The following EIF2AK2 variants were observed in gnomAD, a reference collection of about 807,000 sequenced individuals.
EIF2AK2 encodes interferon-induced, double-stranded RNA-activated protein kinase.
EIF2AK2 carries 40 observed loss-of-function variants against 70.5 expected under a neutral mutation model. The observed-to-expected ratio is 0.57, with a 90% CI of 0.44 to 0.74. The LOEUF is 0.74. Among genes scored for constraint, EIF2AK2 ranks in the 30% least tolerant of loss-of-function variants. The probability of loss-of-function intolerance (pLI) is 0.00; values close to 1 mark genes in which losing one functional copy is unlikely to be tolerated. For missense variants in EIF2AK2, 555 were observed against 644.3 expected, an observed-to-expected ratio of 0.86 and a Z score of 1.50; for synonymous variants, 198 against 220.9, an observed-to-expected ratio of 0.90 and a Z score of 0.92.
chr2:37,122,786 C>A (rs1674601257), intron 11 of EIF2AK2, 122 bp from the exon 12 acceptor site: 2 of 1,304,530 alleles, frequency 1.5e-6, no homozygotes, highest in African/African-American at 1.5e-5. Context: ...GTGGTTCTCA[C>A]ATAGTTTTAG....
In EIF2AK2 at chr2:37,114,630, T is replaced by C. The variant is rs1002785336; in HGVS notation, c.1377+101A>G. 121 of 1,103,122 alleles carry C rather than the reference T, an allele frequency of 1.1e-4. No individual in the cohort carries two copies. In the Middle Eastern group the frequency reaches 2.0e-3, roughly 18 times the overall value. The allele number at this position is 1,103,122 out of a possible 1,614,324, so 68.3% of individuals were successfully genotyped here. A position where few individuals can be genotyped will look rare whatever the true frequency, so the allele number is the denominator to read the frequency against. ...AGAATGGTAAGGAAAATTTTTAGTA[T>C]ATACTTCTGTACAGTTTTAATTATA... On this transcript the variant is annotated intron_variant, in intron 14 of 16. Transcript: ENST00000233057.
chr2:37,121,003 C>T (rs1230158164), intron 12 of EIF2AK2, among the ~76,000 whole-genome samples: 4 of 148,784 alleles, frequency 2.7e-5, no homozygotes, highest in African/African-American at 9.7e-5. Context: ...GTGGCTCACG[C>T]ATGTAATCCC....
At chr2:37,149,542 G>A (rs1675670957) in intron 1 of EIF2AK2, among the ~76,000 whole-genome samples, 1 of 139,428 alleles carries the variant, frequency 7.2e-6, no homozygotes, top group African/African-American at 2.6e-5. Context: ...GGTGTAGGCA[G>A]GTCCTCAATG....
intron 1 of EIF2AK2, among the ~76,000 whole-genome samples, chr2:37,156,379 G>C (rs571514611): frequency 9.2e-5 from 14 of 152,300 alleles, no homozygotes; most frequent in African/African-American, 3.4e-4. Context: ...TCCAGATGCT[G>C]AGGTGTGGAG....
chr2:37,137,243 C>G (rs1675160229), intron 8 of EIF2AK2, among the ~76,000 whole-genome samples: 1 of 152,162 alleles, frequency 6.6e-6, no homozygotes, highest in Non-Finnish European at 1.5e-5. Flanking sequence ...TTTAAATTTT[C>G]CTGATTCCTA....
intron 11 of EIF2AK2, among the ~76,000 whole-genome samples, chr2:37,124,495 G>A (rs771087630): frequency 6.6e-6 from 1 of 152,048 alleles, no homozygotes; most frequent in Non-Finnish European, 1.5e-5. Context: ...TCTTGACCTC[G>A]TGATCTGCCT....
intron 14 of EIF2AK2, among the ~76,000 whole-genome samples, chr2:37,111,776 T>C (rs1674156657): frequency 6.9e-6 from 1 of 145,428 alleles, no homozygotes. Context: ...GAGGATCACC[T>C]GAGCCAAGGA....
intron 1 of EIF2AK2, among the ~76,000 whole-genome samples, chr2:37,154,574 T>C (rs1644732597): frequency 6.6e-6 from 1 of 152,112 alleles, no homozygotes; most frequent in Non-Finnish European, 1.5e-5. Flanking sequence ...AGTTTTCTTC[T>C]TTTGAGACAG....
intron 1 of EIF2AK2, among the ~76,000 whole-genome samples, chr2:37,154,256 T>C (rs1675843380): frequency 6.6e-6 from 1 of 150,636 alleles, no homozygotes; most frequent in Admixed American, 6.6e-5. Context: ...ACCCAGGAGG[T>C]GGAGGTTGCG....
intron 13 of EIF2AK2, among the ~76,000 whole-genome samples, chr2:37,117,549 T>G (rs769789422): frequency 2.0e-5 from 3 of 151,570 alleles, no homozygotes; most frequent in Non-Finnish European, 2.9e-5. Flanking sequence ...ACAAAAGAAA[T>G]AAAAACAATA....
intron 3 of EIF2AK2, 141 bp downstream of exon 3, chr2:37,147,547 G>A (rs533490658): frequency 6.0e-5 from 23 of 380,296 alleles, no homozygotes; most frequent in Middle Eastern, 6.2e-4. Context: ...TCACCTATGA[G>A]TGAGAACATG....
intron 14 of EIF2AK2, among the ~76,000 whole-genome samples, chr2:37,114,494 A>G (rs2148669082): frequency 6.6e-6 from 1 of 152,228 alleles, no homozygotes; most frequent in South Asian, 2.1e-4. Flanking sequence ...ACACATATAT[A>G]TGTTTCTGTA....
chr2:37,137,308 T>A (rs1294030533), intron 8 of EIF2AK2, among the ~76,000 whole-genome samples: 2 of 152,262 alleles, frequency 1.3e-5, no homozygotes, highest in Non-Finnish European at 2.9e-5. Flanking sequence ...TCTGAATATC[T>A]GTTTATACAT....
At chr2:37,141,111 G>A (rs1675315047) in intron 5 of EIF2AK2, among the ~76,000 whole-genome samples, 1 of 152,150 alleles carries the variant, frequency 6.6e-6, no homozygotes, top group Non-Finnish European at 1.5e-5. Context: ...CATGGTATTT[G>A]TTCATTTAAT....
chr2:37,121,565 TAC>T (rs1421171042), intron 12 of EIF2AK2, among the ~76,000 whole-genome samples: 2 of 150,124 alleles, frequency 1.3e-5, no homozygotes, highest in Admixed American at 6.6e-5. Context: ...ATAGGGAAGG[TAC>T]TCTAAGAGAA....
chr2:37,113,032 A>C (rs1674210455), intron 14 of EIF2AK2, among the ~76,000 whole-genome samples: 1 of 152,248 alleles, frequency 6.6e-6, no homozygotes, highest in African/African-American at 2.4e-5. Flanking sequence ...CTGCATATTC[A>C]CACGGGGAAA....
At chr2:37,139,889 T>C in intron 5 of EIF2AK2, 132 bp from the exon 6 acceptor site, 4 of 954,524 alleles carry the variant, frequency 4.2e-6, no homozygotes, top group Non-Finnish European at 5.9e-6. Context: ...TTATAGTTCA[T>C]ATCTTGCATA....
Position 37,099,543 on chromosome 2 carries a change from A to G in EIF2AK2, c.*7730T>C, listed in dbSNP as rs1673774411. On this transcript the variant is annotated 3_prime_UTR_variant, in exon 17 of 17. Transcript: ENST00000233057. ...GGAGAAGATTCATTTTGAGTGGGAG[A>G]TGTTGGAACACTTTGGAAATAACAC... The G allele has an allele frequency of 6.6e-6, 1 of 152,240 alleles. No homozygotes were observed. The highest frequency in any genetic ancestry group is 6.5e-5 in the Admixed American group (1 of 15,276). The allele number at this position is 152,240 out of a possible 1,614,324, so 9.4% of individuals were successfully genotyped here.
Position 37,135,552 on chromosome 2 carries a change from A to C in EIF2AK2, c.723-6T>G, listed in dbSNP as rs377408551. 3.1e-6 allele frequency: 5 copies of C among 1,609,002 alleles called. No individual in the cohort carries two copies. The African/African-American group carries it at 4.0e-5, about 13-fold the overall frequency. ...CAAATCTGGGTGCCAAAGATCTAAA[A>C]ATTAAGAGTTGAATGTAAAACTCAA... is the stretch of plus-strand genomic sequence containing the variant. On this transcript the variant is annotated splice_polypyrimidine_tract_variant and splice_region_variant and intron_variant, in intron 9 of 16. Transcript: ENST00000233057.
Sources: allele counts gnomAD v4.1 joint callset (sites outside exome capture counted in the v4.1 genomes callset), GRCh38; gene constraint gnomAD v4.1.1; transcripts MANE v1.5; gene names NCBI Gene and HGNC (gene_info 2026-07-23, HGNC 2026-07-21).